IRAG1: variants seen among roughly 807,000 people sequenced by gnomAD.
IRAG1 encodes IP3R-associated cGMP kinase substrate.
IRAG1 carries 62 observed loss-of-function variants against 106.2 expected under a neutral mutation model. The observed-to-expected ratio is 0.58, with a 90% CI of 0.48 to 0.72. IRAG1 has a LOEUF of 0.72. IRAG1 is among the 30% of genes least tolerant of loss of function. IRAG1 has a pLI of 0.00. For missense variants in IRAG1, 1,064 were observed against 1,140.7 expected, an observed-to-expected ratio of 0.93 and a Z score of 0.97; for synonymous variants, 462 against 443.9, an observed-to-expected ratio of 1.04 and a Z score of -0.51.
intron 16 of IRAG1, 152 bp from the exon 17 acceptor site, chr11:10,593,751 A>C: frequency 1.6e-6 from 1 of 640,222 alleles, no homozygotes; most frequent in Admixed American, 2.9e-5. Flanking sequence ...ATTGGTGTGG[A>C]GAGAGTGGCC....
intron 3 of IRAG1, among the ~76,000 whole-genome samples, chr11:10,633,726 C>T (rs1385766004): frequency 6.6e-6 from 1 of 152,160 alleles, no homozygotes; most frequent in Non-Finnish European, 1.5e-5. Flanking sequence ...GAGGAGGCTG[C>T]AAATGGGCTG....
chr11:10,627,649 C>T, intron 8 of IRAG1, 67 bp downstream of exon 8: 2 of 1,581,810 alleles, frequency 1.3e-6, no homozygotes, highest in Non-Finnish European at 1.7e-6. Flanking sequence ...CAGGAGCCAG[C>T]CTAGGCTTCT....
intron 2 of IRAG1, among the ~76,000 whole-genome samples, chr11:10,645,629 G>A (rs1857879024): frequency 1.3e-5 from 2 of 152,210 alleles, no homozygotes; most frequent in African/African-American, 4.8e-5. Flanking sequence ...CACTTGCAGT[G>A]ACACATGTGG....
At chr11:10,632,190 CTTTTTT>C in intron 3 of IRAG1, 129 bp from the exon 4 acceptor site, 2 of 563,416 alleles carry the variant, frequency 3.5e-6, no homozygotes, top group Non-Finnish European at 3.0e-6. Flanking sequence ...TTCTTTCTTT[CTTTTTT>C]TTTTTTTTTG....
intron 10 of IRAG1, 101 bp downstream of exon 10, chr11:10,623,677 A>G: frequency 9.3e-7 from 1 of 1,072,272 alleles, no homozygotes; most frequent in Non-Finnish European, 1.4e-6. Context: ...ATGTTTCCTG[A>G]GGAAGACACA....
chr11:10,653,875 T>G (rs868629415), intron 1 of IRAG1, among the ~76,000 whole-genome samples: 1 of 152,152 alleles, frequency 6.6e-6, no homozygotes, highest in Admixed American at 6.5e-5. Flanking sequence ...TTCAGGAATC[T>G]ATAGAACTAA....
At chr11:10,577,618 A>G (rs548592647) in intron 20 of IRAG1, among the ~76,000 whole-genome samples, 1 of 152,348 alleles carries the variant, frequency 6.6e-6, no homozygotes, top group African/African-American at 2.4e-5. Flanking sequence ...GAAGATCCTG[A>G]GGCTCATACA....
intron 1 of IRAG1, chr11:10,687,719 C>A: frequency 2.3e-6 from 3 of 1,289,028 alleles, no homozygotes; most frequent in Non-Finnish European, 3.0e-6. Flanking sequence ...AGAATAGGAC[C>A]CAGGACTGTG....
chr11:10,591,526 A>G, intron 18 of IRAG1, 22 bp downstream of exon 18: 3 of 1,576,536 alleles, frequency 1.9e-6, no homozygotes, highest in Non-Finnish European at 2.6e-6. Context: ...CCTGAAGCCA[A>G]GAGGAAAATC....
chr11:10,607,747 C>T (rs994501714), intron 11 of IRAG1, among the ~76,000 whole-genome samples: 2 of 152,116 alleles, frequency 1.3e-5, no homozygotes, highest in South Asian at 4.1e-4. Context: ...AGGGGTCAGC[C>T]ATCTCTGCAG....
chr11:10,639,011 T>A (rs763185410), intron 2 of IRAG1, among the ~76,000 whole-genome samples: 7 of 152,174 alleles, frequency 4.6e-5, no homozygotes, highest in Non-Finnish European at 7.4e-5. Context: ...AACCTCCGCC[T>A]CCCGGTCAAG....
chr11:10,603,335 G>A, intron 13 of IRAG1, 84 bp from the exon 14 acceptor site: 1 of 1,500,774 alleles, frequency 6.7e-7, no homozygotes, highest in Non-Finnish European at 9.0e-7. Context: ...TCGGCCTCAG[G>A]GACTGGTTTG....
chr11:10,673,083 G>T (rs185904179), intron 1 of IRAG1, among the ~76,000 whole-genome samples: 1 of 152,248 alleles, frequency 6.6e-6, no homozygotes, highest in East Asian at 1.9e-4. Context: ...AGGAGTTTGA[G>T]ACAAGCCTGG....
chr11:10,647,764 G>A lies in IRAG1; in HGVS notation c.225+4261C>T, dbSNP rs976229866. Among the ~76,000 whole-genome samples the A allele has an allele frequency of 6.6e-6, 1 of 152,140 alleles. No homozygotes were observed. The highest frequency in any genetic ancestry group is 1.5e-5 in the Non-Finnish European group (1 of 68,022). ...TAGGTAAGATTGCATCTGGAGCCTG[G>A]GGCCAGGTCTGGGGCCCTACAGTAA... On this transcript the variant is annotated intron_variant, in intron 2 of 20. Coordinates refer to ENST00000423302, the MANE Select transcript of IRAG1 (RefSeq NM_130385.4). This position sits in a 1 kb window ranked among gnomAD's most constrained non-coding sequence, Gnocchi z 4.3.
chr11:10,587,677 A>G (rs527647071), intron 18 of IRAG1, among the ~76,000 whole-genome samples: 12 of 152,316 alleles, frequency 7.9e-5, no homozygotes, highest in African/African-American at 2.9e-4. Flanking sequence ...CCTGTGCATC[A>G]TCTACATCCT....
intron 2 of IRAG1, among the ~76,000 whole-genome samples, chr11:10,649,443 A>G (rs1322602157): frequency 6.6e-6 from 1 of 152,180 alleles, no homozygotes; most frequent in Non-Finnish European, 1.5e-5. Context: ...ACTGGGTAAC[A>G]CATAAGAAAC....
chr11:10,676,884 T>C (rs1018892648), intron 1 of IRAG1, among the ~76,000 whole-genome samples: 1 of 152,254 alleles, frequency 6.6e-6, no homozygotes, highest in Admixed American at 6.5e-5. Context: ...GCCATTGCTC[T>C]GGGGCGAGCG....
chr11:10,586,395 T>C (rs1851995990), intron 18 of IRAG1, among the ~76,000 whole-genome samples: 2 of 150,186 alleles, frequency 1.3e-5, no homozygotes, highest in African/African-American at 2.5e-5. Context: ...CCCCACACCC[T>C]CTGGTTAAAG....
intron 10 of IRAG1, among the ~76,000 whole-genome samples, chr11:10,617,553 A>G (rs76571502): frequency 0.015 from 2,264 of 152,354 alleles, 54 homozygotes; most frequent in African/African-American, 0.05. Context: ...CAGCTGAGTT[A>G]AAGTGATTTA....
Sources: allele counts gnomAD v4.1 joint callset (sites outside exome capture counted in the v4.1 genomes callset), GRCh38; gene constraint gnomAD v4.1.1; non-coding constraint Gnocchi (gnomAD v3.1); transcripts MANE v1.5; gene names NCBI Gene and HGNC (gene_info 2026-07-23, HGNC 2026-07-21).